ATP7A: variants seen among roughly 807,000 people sequenced by gnomAD.
The protein encoded by ATP7A is ATPase copper transporting alpha, also known as copper-transporting ATPase 1.
Under a neutral mutation model 83.5 loss-of-function variants are expected in ATP7A, and 7 were observed. The observed-to-expected ratio is 0.08, with a 90% confidence interval of 0.05 to 0.16. The LOEUF is 0.16. ATP7A is among the 10% of genes least tolerant of loss of function. The pLI is 1.00. For synonymous variants in ATP7A, 354 were observed against 395.2 expected (o/e 0.90, Z 1.24); for missense variants, 940 against 1,120.8 (o/e 0.84, Z 2.30).
intron 1 of ATP7A, chrX:77,969,586 A>G (rs369086578): frequency 4.8e-5 from 58 of 1,210,484 alleles, no homozygotes. Flanking sequence ...GCGGTTCTCC[A>G]GGTTCCATGT....
intron 12 of ATP7A, among the ~76,000 whole-genome samples, chrX:78,018,419 A>G (rs2077882997): frequency 9.0e-6 from 1 of 110,820 alleles, no homozygotes; most frequent in Non-Finnish European, 1.9e-5. Flanking sequence ...CAGAAGAATC[A>G]CTTGAACTCA....
At position 78,031,517 on chromosome X, in the gene ATP7A, G is replaced by C; in HGVS notation, c.3229G>C (p.Val1077Leu). ...RISHHKILAI[V>L]GTAESNSEHP... ...ATCACACCATAAAATCTTGGCCATT[G>C]TGGGAACTGCTGAAAGTAACAGTGA... The change falls in exon 16 of 23, where the codon GTG (valine) becomes CTG (leucine). Residue 1077 changes from valine (V) to leucine (L), a missense_variant. Val to Leu is a conservative substitution (Grantham distance 32, BLOSUM62 1). Transcript: ENST00000341514. The C allele has an allele frequency of 8.3e-7, 1 of 1,211,285 alleles. No homozygotes were observed. Among genetic ancestry groups the C allele is most frequent in the Non-Finnish European group, 1.1e-6 (1 of 895,052 alleles).
intron 1 of ATP7A, among the ~76,000 whole-genome samples, chrX:77,967,710 A>T (rs2077517522): frequency 8.9e-6 from 1 of 111,786 alleles, no homozygotes; most frequent in Non-Finnish European, 1.9e-5. Context: ...AAAAGGCTGA[A>T]TTTTATAGCA....
intron 18 of ATP7A, 28 bp from the exon 19 acceptor site, chrX:78,040,563 C>A: frequency 2.5e-6 from 3 of 1,203,852 alleles, no homozygotes; most frequent in South Asian, 1.8e-5. Flanking sequence ...ATTCCAAGTT[C>A]TTTTATTTTG....
At chrX:77,981,900 T>A (rs1271489139) in intron 2 of ATP7A, among the ~76,000 whole-genome samples, 1 of 111,816 alleles carries the variant, frequency 8.9e-6, no homozygotes, top group African/African-American at 3.2e-5. Context: ...TTTAAAGTGA[T>A]AACCTTTATT....
chrX:77,931,847 G>A (rs1333512703), intron 1 of ATP7A, among the ~76,000 whole-genome samples: 96 of 102,529 alleles, frequency 9.4e-4, no homozygotes, highest in African/African-American at 3.1e-3. Context: ...CCTCCCGGAC[G>A]GGGCGGCTGG....
intron 2 of ATP7A, among the ~76,000 whole-genome samples, chrX:77,973,165 G>T (rs1401588521): frequency 9.0e-6 from 1 of 111,158 alleles, no homozygotes; most frequent in African/African-American, 3.3e-5. Flanking sequence ...AAAATATTTA[G>T]GAACTTATGA....
intron 19 of ATP7A, among the ~76,000 whole-genome samples, chrX:78,041,762 TG>T (rs2078050343): frequency 9.0e-6 from 1 of 111,578 alleles, no homozygotes; most frequent in Admixed American, 9.5e-5. Context: ...TTGAACAGAT[TG>T]TTCAGTAGTT....
chrX:77,961,168 A>G (rs1431210642), intron 1 of ATP7A, among the ~76,000 whole-genome samples: 3 of 111,513 alleles, frequency 2.7e-5, no homozygotes, highest in African/African-American at 9.8e-5. Flanking sequence ...TTAAATTAAG[A>G]TGTAGTGGGA....
intron 17 of ATP7A, among the ~76,000 whole-genome samples, chrX:78,035,131 C>T (rs2078005711): frequency 9.0e-6 from 1 of 111,639 alleles, no homozygotes; most frequent in Non-Finnish European, 1.9e-5. Context: ...GTCTTTTTCT[C>T]ATTTTATAAT....
chrX:77,983,440 A>G (rs1178143097), intron 2 of ATP7A, among the ~76,000 whole-genome samples: 2 of 111,964 alleles, frequency 1.8e-5, no homozygotes, highest in African/African-American at 6.5e-5. Flanking sequence ...AATAAAGTAT[A>G]CTGTGCCTGA....
At chrX:77,980,009 C>T (rs1017492047) in intron 2 of ATP7A, among the ~76,000 whole-genome samples, 7 of 111,689 alleles carry the variant, frequency 6.3e-5, no homozygotes, top group South Asian at 3.7e-4. Flanking sequence ...GATCTTTCTC[C>T]GGGGTTGTTT....
chrX:77,954,611 T>C (rs1205057772), intron 1 of ATP7A, among the ~76,000 whole-genome samples: 1 of 112,181 alleles, frequency 8.9e-6, no homozygotes, highest in Non-Finnish European at 1.9e-5. Flanking sequence ...AAAGGATGAA[T>C]TATATAAAAT....
rs1332816579 is a variant in ATP7A at position 77,977,617 on chromosome X, T to C, written c.120+5856T>C. Among the ~76,000 whole-genome samples the C allele has an allele frequency of 8.0e-5, 9 of 112,562 alleles. No individual in the cohort carries two copies. In the Admixed American group the frequency reaches 8.5e-4, roughly 11 times the overall value. ...CACACTCATATGTAAGATGGCTATT[T>C]CCGCTGCATCTTCCCAAAGTTCACC... On this transcript the variant is annotated intron_variant, in intron 2 of 22. Transcript: ENST00000341514.
intron 6 of ATP7A, among the ~76,000 whole-genome samples, chrX:78,003,515 A>C (rs781822555): frequency 9.0e-6 from 1 of 110,825 alleles, no homozygotes; most frequent in East Asian, 2.8e-4. Flanking sequence ...GTAGCATGTA[A>C]TTGAATAAAT....
chrX:78,020,239 T>C lies in ATP7A; in HGVS notation c.2627-5T>C. On this transcript the variant is annotated splice_polypyrimidine_tract_variant and splice_region_variant and intron_variant, in intron 12 of 22. Transcript: ENST00000341514. ...TCCTTAAATCTATCTTTACTCTCCA[T>C]ACAGGGGAGGCAATGCCTGTGGCTA... 8.3e-7 allele frequency: 1 copy of C among 1,209,778 alleles called. No homozygotes were observed. The highest frequency in any genetic ancestry group is 1.1e-6 in the Non-Finnish European group (1 of 893,591).
rs1603389413 is a variant in ATP7A at position 78,031,596 on chromosome X, C to T, written c.3294+14C>T. 2.5e-6 allele frequency: 3 copies of T among 1,200,840 alleles called. No individual in the cohort carries two copies. In the East Asian group the frequency reaches 8.9e-5, roughly 36 times the overall value. The stretch of plus-strand genomic sequence containing the variant: ...TATTGCAAACAGGTACATTTTTTTC[C>T]TCTTGTTTATTAGTGTAGTCATCTC... On this transcript the variant is annotated intron_variant, in intron 16 of 22. Coordinates refer to ENST00000341514, the MANE Select transcript of ATP7A (RefSeq NM_000052.7).
At chrX:77,978,683 G>A (rs1271533701) in intron 2 of ATP7A, among the ~76,000 whole-genome samples, 2 of 110,881 alleles carry the variant, frequency 1.8e-5, no homozygotes, top group Admixed American at 9.6e-5. Flanking sequence ...TTATAAAGTC[G>A]TCAAATGAAG....
intron 1 of ATP7A, among the ~76,000 whole-genome samples, chrX:77,931,796 C>T (rs781829905): frequency 7.1e-5 from 7 of 98,068 alleles, no homozygotes; most frequent in Admixed American, 1.1e-4. Flanking sequence ...CCCTCCTGGA[C>T]GGGGCGGCTG....
Sources: allele counts gnomAD v4.1 joint callset (sites outside exome capture counted in the v4.1 genomes callset), GRCh38; gene constraint gnomAD v4.1.1; transcripts MANE v1.5; gene names NCBI Gene and HGNC (gene_info 2026-07-23, HGNC 2026-07-21).